Variants in TAF3 observed in about 807,000 individuals in gnomAD.
TAF3 encodes the protein transcription initiation factor TFIID subunit 3.
A neutral mutation model predicts 80.6 loss-of-function variants in TAF3; 7 were observed. The ratio of observed to expected loss-of-function variants is 0.09; its 90% confidence interval spans 0.05 to 0.16. The LOEUF is 0.16. TAF3 is among the 10% of genes least tolerant of loss of function. TAF3 has a pLI of 1.00. For synonymous variants in TAF3, 444 were observed against 446.1 expected, an observed-to-expected ratio of 1.00 and a Z score of 0.06; for missense variants, 921 against 1,140.2, an observed-to-expected ratio of 0.81 and a Z score of 2.77.
intron 2 of TAF3, among the ~76,000 whole-genome samples, chr10:7,963,297 T>TGA (rs1365575436): frequency 6.6e-6 from 1 of 152,274 alleles, no homozygotes; most frequent in East Asian, 1.9e-4. Flanking sequence ...TCTATGTGCA[T>TGA]GAGAGAGAGA....
chr10:7,858,968 T>C (rs1282235257), intron 2 of TAF3, among the ~76,000 whole-genome samples: 2 of 152,172 alleles, frequency 1.3e-5, no homozygotes, highest in African/African-American at 4.8e-5. Flanking sequence ...GAGGCCTTTC[T>C]AGAACACCTT....
In TAF3 at chr10:8,016,234, TGAACCTAATACAAATATATTACTA is replaced by T. The variant is rs2131445369; in HGVS notation, c.*1487_*1510del. 1 of 152,360 alleles carries T rather than the reference TGAACCTAATACAAATATATTACTA, an allele frequency of 6.6e-6. No individual in the cohort carries two copies. Among genetic ancestry groups the T allele is most frequent in the East Asian group, 1.9e-4 (1 of 5,192 alleles). 9.4% of individuals were successfully genotyped at this position (152,360 alleles called of 1,614,324 possible). A position where few individuals can be genotyped will look rare whatever the true frequency, so the allele number is the denominator to read the frequency against. The stretch of plus-strand genomic sequence containing the variant: ...CTGTTGGATGCTAGAATATGGGCTT[TGAACCTAATACAAATATATTACTA>T]GAAAATGTGATTTTTTTAAATGCCA... On this transcript the variant is annotated 3_prime_UTR_variant, in exon 7 of 7. Coordinates refer to ENST00000344293, the MANE Select transcript of TAF3 (RefSeq NM_031923.4).
At chr10:7,995,181 C>CTT (rs1255243610) in intron 4 of TAF3, among the ~76,000 whole-genome samples, 1 of 151,924 alleles carries the variant, frequency 6.6e-6, no homozygotes, top group East Asian at 1.9e-4. Flanking sequence ...TATGGATATG[C>CTT]TTACAAAATG....
At chr10:7,888,900 G>A (rs979861310) in intron 2 of TAF3, among the ~76,000 whole-genome samples, 3 of 152,174 alleles carry the variant, frequency 2.0e-5, no homozygotes, top group Admixed American at 6.5e-5. Context: ...TCTACTGTTG[G>A]TGTATGCACA....
chr10:7,902,526 G>A (rs1469294166), intron 2 of TAF3, among the ~76,000 whole-genome samples: 1 of 152,144 alleles, frequency 6.6e-6, no homozygotes, highest in Non-Finnish European at 1.5e-5. Context: ...AAACTCAGGG[G>A]AAAAACGTTT....
In TAF3 at chr10:7,954,294, C is replaced by A. The variant is rs76774731; in HGVS notation, c.410-9626C>A. Among the ~76,000 whole-genome samples the A allele has an allele frequency of 2.0e-3, 208 of 101,890 alleles. No individual in the cohort carries two copies. In the Middle Eastern group the frequency reaches 0.025, roughly 12 times the overall value. The allele number at this position is 101,890 out of a possible 152,430, so 66.8% of individuals were successfully genotyped here. A position where few individuals can be genotyped will look rare whatever the true frequency, so the allele number is the denominator to read the frequency against. The stretch of plus-strand genomic sequence containing the variant: ...AGTCCTAGTTAACACAGAGCTCTCC[C>A]TAGTGAGATTCAGAGTGCACTCCAT... On this transcript the variant is annotated intron_variant, in intron 2 of 6. Coordinates refer to ENST00000344293, the MANE Select transcript of TAF3 (RefSeq NM_031923.4).
chr10:8,008,505 G>C (rs1464582477), intron 4 of TAF3, among the ~76,000 whole-genome samples: 1 of 152,194 alleles, frequency 6.6e-6, no homozygotes, highest in African/African-American at 2.4e-5. Context: ...AGAAACATTG[G>C]AATTAAGAAG....
chr10:7,935,274 C>CTAAA lies in TAF3; in HGVS notation c.410-28623_410-28620dup, dbSNP rs34069819. On this transcript the variant is annotated intron_variant, in intron 2 of 6. Coordinates refer to ENST00000344293, the MANE Select transcript of TAF3 (RefSeq NM_031923.4). ...CCTGGGCAACAGCAAAACTCTGTTT[C>CTAAA]TAAATAAATAAATAAATAAATAAAT... Among the ~76,000 whole-genome samples, 1,071 of 150,108 alleles carry CTAAA rather than the reference C, an allele frequency of 7.1e-3. 11 individuals are homozygous for CTAAA. The highest frequency in any genetic ancestry group is 0.021 in the African/African-American group (858 of 40,830).
chr10:7,983,296 A>G (rs769229636), intron 4 of TAF3, among the ~76,000 whole-genome samples: 1 of 152,204 alleles, frequency 6.6e-6, no homozygotes, highest in Non-Finnish European at 1.5e-5. Context: ...AGGTTCCAGA[A>G]GGAAAGGAGG....
intron 2 of TAF3, among the ~76,000 whole-genome samples, chr10:7,865,071 G>A (rs933964115): frequency 6.6e-6 from 1 of 152,136 alleles, no homozygotes; most frequent in South Asian, 2.1e-4. Flanking sequence ...ATGGGTTGAG[G>A]AGGGAGTCCT....
intron 2 of TAF3, among the ~76,000 whole-genome samples, chr10:7,904,328 T>C (rs976933911): frequency 1.3e-5 from 2 of 152,224 alleles, no homozygotes; most frequent in Non-Finnish European, 2.9e-5. Flanking sequence ...GGTTCCTTTC[T>C]ATTTATGCTT....
In TAF3 at chr10:7,862,714, A is replaced by C. The variant is rs982738284; in HGVS notation, c.409+38154A>C. Among the ~76,000 whole-genome samples, 3 of 152,152 alleles carry C rather than the reference A, an allele frequency of 2.0e-5. No homozygotes were observed. The East Asian group carries it at 5.8e-4, about 29-fold the overall frequency. ...CAGGGGGATCCCCAGGCAACCACTGACCTATTTACTGTCATTGTAGATTAT... is the reference window on the plus strand; with the variant it reads ...CAGGGGGATCCCCAGGCAACCACTGCCCTATTTACTGTCATTGTAGATTAT... On this transcript the variant is annotated intron_variant, in intron 2 of 6. Transcript: ENST00000344293.
intron 4 of TAF3, among the ~76,000 whole-genome samples, chr10:8,006,177 A>ACACAC (rs1564382135): frequency 1.9e-5 from 2 of 106,152 alleles, no homozygotes; most frequent in African/African-American, 7.8e-5. Context: ...TGAAAAAAAA[A>ACACAC]ATACACACAC....
intron 2 of TAF3, among the ~76,000 whole-genome samples, chr10:7,917,812 G>T (rs72638740): frequency 0.051 from 7,750 of 152,242 alleles, 263 homozygotes; most frequent in East Asian, 0.14. Context: ...TATATAAGAT[G>T]AAAACTGAAA....
intron 2 of TAF3, among the ~76,000 whole-genome samples, chr10:7,826,295 T>C (rs1214187312): frequency 6.6e-6 from 1 of 152,234 alleles, no homozygotes; most frequent in Non-Finnish European, 1.5e-5. Flanking sequence ...TTGGTCCTTC[T>C]TGTCTTATTT....
At chr10:7,980,219 C>T (rs1157047501) in intron 4 of TAF3, among the ~76,000 whole-genome samples, 6 of 152,138 alleles carry the variant, frequency 3.9e-5, no homozygotes. Flanking sequence ...CAGGCAGAAT[C>T]ATCTTTTGAA....
rs1005724038 is a variant in TAF3, at chr10:7,951,110, C to A, written c.410-12810C>A. 4.6e-5 allele frequency among the ~76,000 whole-genome samples: 7 copies of A among 152,206 alleles called. 1 individual carries two copies. The highest frequency in any genetic ancestry group is 2.6e-4 in the Admixed American group (4 of 15,284). On this transcript the variant is annotated intron_variant, in intron 2 of 6. Coordinates refer to ENST00000344293, the MANE Select transcript of TAF3 (RefSeq NM_031923.4). ...TGTTGTGACCAGAGACTTATAGGAA[C>A]CTAACCGTGTATTTCTCTTAAGAGC... is the stretch of plus-strand genomic sequence containing the variant.
intron 2 of TAF3, among the ~76,000 whole-genome samples, chr10:7,941,156 T>G (rs1837972422): frequency 1.3e-5 from 2 of 152,102 alleles, no homozygotes; most frequent in Non-Finnish European, 2.9e-5. Context: ...ATTGAGAGAT[T>G]TCCACTGGGA....
intron 2 of TAF3, among the ~76,000 whole-genome samples, chr10:7,880,442 A>G (rs1384720353): frequency 1.3e-5 from 2 of 152,184 alleles, no homozygotes; most frequent in African/African-American, 4.8e-5. Flanking sequence ...GAAATAAGAA[A>G]TATGCAGCTA....
Sources: allele counts gnomAD v4.1 joint callset (sites outside exome capture counted in the v4.1 genomes callset), GRCh38; gene constraint gnomAD v4.1.1; transcripts MANE v1.5; gene names NCBI Gene and HGNC (gene_info 2026-07-23, HGNC 2026-07-21).